CHAT: variants seen among roughly 807,000 people sequenced by gnomAD.
CHAT encodes the protein acetyl CoA:choline O-acetyltransferase.
A neutral mutation model predicts 76.9 loss-of-function variants in CHAT; 61 were observed. The ratio of observed to expected loss-of-function variants is 0.79; its 90% CI spans 0.65 to 0.98. The LOEUF is 0.98. CHAT is among the 50% of genes least tolerant of loss of function. CHAT has a pLI of 0.00. For missense variants in CHAT, 946 were observed against 986.9 expected (o/e 0.96, Z 0.56); for synonymous variants, 407 against 397.4 (o/e 1.02, Z -0.29).
intron 4 of CHAT, among the ~76,000 whole-genome samples, chr10:49,621,570 C>A (rs1047210621): frequency 6.6e-6 from 1 of 152,078 alleles, no homozygotes; most frequent in Non-Finnish European, 1.5e-5. Flanking sequence ...AGGAAAGGGA[C>A]CAAATTACTG....
At chr10:49,611,041 C>T, upstream of CHAT, 1 of 1,614,030 alleles carries the variant, frequency 6.2e-7, no homozygotes, top group Non-Finnish European at 8.5e-7. Context: ...CTCGGCGTCC[C>T]CGACAGCTGC....
chr10:49,616,047 C>T (rs1255894523), intron 1 of CHAT: 2 of 1,613,896 alleles, frequency 1.2e-6, no homozygotes, highest in Non-Finnish European at 8.5e-7. Context: ...CTACTCCACA[C>T]CAGAGATGTG....
At chr10:49,610,902 G>A (rs1339706757), upstream of CHAT, 1 of 1,612,562 alleles carries the variant, frequency 6.2e-7, no homozygotes, top group Non-Finnish European at 8.5e-7. Context: ...TGGTCATCGT[G>A]CCCATAGTGC....
chr10:49,652,139 T>G, intron 11 of CHAT, 133 bp downstream of exon 11: 1 of 1,233,368 alleles, frequency 8.1e-7, no homozygotes, highest in Non-Finnish European at 1.2e-6. Context: ...GGACTGAGGC[T>G]GCATGAAGGA....
chr10:49,655,151 A>G lies in CHAT; in HGVS notation c.1691A>G (p.Glu564Gly). Reference protein sequence around the residue: ...YESASIRRFQEGRVDNIRSAT... With the variant: ...YESASIRRFQGGRVDNIRSAT... ...AGCGCGTCCATCCGCCGATTCCAGG[A>G]GGGACGCGTGGACAACATCAGATCG... Residue 564 changes from glutamate (E) to glycine (G), a missense_variant, in exon 12 of 15, where the codon GAG (glutamate) becomes GGG (glycine). Glu to Gly is a moderately conservative substitution (Grantham distance 98). This residue lies in a region of CHAT where 349 missense variants were observed against 393.9 expected (regional missense o/e 0.89). Transcript: ENST00000337653. The G allele has an allele frequency of 6.2e-7, 1 of 1,613,970 alleles. No homozygotes were observed.
At chr10:49,640,231 G>C (rs146778443) in intron 7 of CHAT, among the ~76,000 whole-genome samples, 116 of 152,194 alleles carry the variant, frequency 7.6e-4, no homozygotes, top group African/African-American at 2.6e-3. Context: ...GAGTACAGTG[G>C]TGTGATGTCG....
chr10:49,611,865 C>A, upstream of CHAT: 2 of 1,607,300 alleles, frequency 1.2e-6, no homozygotes, highest in East Asian at 2.2e-5. Context: ...GCATCGTGCC[C>A]GCCTGCCGCT....
At chr10:49,646,791 C>T in intron 8 of CHAT, 117 bp downstream of exon 8, 1 of 1,196,136 alleles carries the variant, frequency 8.4e-7, no homozygotes, top group Non-Finnish European at 1.2e-6. Flanking sequence ...GGCAGGCGCA[C>T]TCACTGGTTT....
rs147815999 is a variant in CHAT at position 49,627,638 on chromosome 10, C to T, written c.964C>T (p.Arg322Cys). Reference sequence around the variant, plus strand: ...TGTCTTGGATGTTGTCATTAATTTCCGCCGTCTCAGTGAGGGGGATCTGTT... The same window carrying T: ...TGTCTTGGATGTTGTCATTAATTTCTGCCGTCTCAGTGAGGGGGATCTGTT... ...FFVLDVVINF[R>C]RLSEGDLFTQ... The change falls in exon 7 of 15, where the codon CGC (arginine) becomes TGC (cysteine). Residue 322 changes from arginine (R) to cysteine (C), a missense_variant. Physicochemically the swap from Arg to Cys is radical, Grantham distance 180. Transcript: ENST00000337653. 6.4e-5 allele frequency: 103 copies of T among 1,614,144 alleles called. No individual in the cohort carries two copies. The highest frequency in any genetic ancestry group is 3.3e-4 in the Middle Eastern group (2 of 6,062).
intron 8 of CHAT, chr10:49,647,072 T>G: frequency 1.7e-5 from 4 of 239,022 alleles, no homozygotes; most frequent in East Asian, 2.0e-4. Flanking sequence ...TAATGCATGC[T>G]GAAATAATAA....
rs752229820 is a variant in CHAT at position 49,648,560 on chromosome 10, C to A, written c.1335C>A (p.Phe445Leu). 2 of 1,614,004 alleles carry A rather than the reference C, an allele frequency of 1.2e-6. No individual in the cohort carries two copies. Among genetic ancestry groups the A allele is most frequent in the Admixed American group, 1.7e-5 (1 of 60,020 alleles). ...GTGTGGTGTGCGAACACTCCCCATT[C>A]GATGGCATCGTCCTGGTGCAGTGCA... ...TCGVVCEHSP[F>L]DGIVLVQCTE... The change falls in exon 9 of 15, where the codon TTC becomes TTA. Residue 445 changes from phenylalanine to leucine, a missense_variant. Transcript: ENST00000337653.
intron 7 of CHAT, among the ~76,000 whole-genome samples, chr10:49,639,390 T>C (rs894105260): frequency 6.6e-5 from 10 of 152,238 alleles, no homozygotes; most frequent in African/African-American, 2.2e-4. Flanking sequence ...TTTCTTGATA[T>C]AGAATTCTGG....
At chr10:49,663,397 T>C (rs1000277225) in intron 14 of CHAT, among the ~76,000 whole-genome samples, 1 of 152,208 alleles carries the variant, frequency 6.6e-6, no homozygotes, top group East Asian at 1.9e-4. Context: ...CGGGCTCTGA[T>C]GCCCAGCAGG....
chr10:49,621,905 C>T (rs1838724277), intron 4 of CHAT, among the ~76,000 whole-genome samples, 192 bp from the exon 5 acceptor site: 1 of 7,948 alleles, frequency 1.3e-4, no homozygotes, highest in Non-Finnish European at 2.4e-4. Flanking sequence ...GATTAGTGCA[C>T]ACGGGGGCGG....
In CHAT at chr10:49,614,465, G is replaced by A. The variant is rs745665140; in HGVS notation, c.276G>A (p.Pro92=). The A allele has an allele frequency of 1.3e-6, 2 of 1,546,812 alleles. No individual in the cohort carries two copies. Among genetic ancestry groups the A allele is most frequent in the Admixed American group, 2.0e-5 (1 of 51,068 alleles). ...CGAASAEAAE[P]RRAGPHLCIP... is the part of the protein sequence containing the mutation. The stretch of plus-strand genomic sequence containing the variant: ...CAGCGTCGGCCGAGGCAGCAGAGCC[G>A]AGGAGAGCAGGTGAGAAGAAGGGCT... The change falls in exon 1 of 15, where the codon CCG becomes CCA. Residue 92 remains proline, a synonymous_variant. Transcript: ENST00000337653.
At chr10:49,632,007 G>A (rs1245931101) in intron 7 of CHAT, among the ~76,000 whole-genome samples, 1 of 152,106 alleles carries the variant, frequency 6.6e-6, no homozygotes, top group Non-Finnish European at 1.5e-5. Flanking sequence ...AAACAAAGTG[G>A]GATGAGGGAG....
chr10:49,652,148 G>GCATC, intron 11 of CHAT, 142 bp downstream of exon 11: 1 of 1,161,778 alleles, frequency 8.6e-7, no homozygotes. Flanking sequence ...CTGCATGAAG[G>GCATC]AGGAGCAGAC....
intron 7 of CHAT, among the ~76,000 whole-genome samples, chr10:49,639,566 CACAT>C (rs200333925): frequency 5.9e-4 from 70 of 117,736 alleles, no homozygotes; most frequent in African/African-American, 2.0e-3. Flanking sequence ...CACACACACA[CACAT>C]ATGGGTGTGT....
At chr10:49,637,289 C>A (rs1398223824) in intron 7 of CHAT, 1 of 152,096 alleles carries the variant, frequency 6.6e-6, no homozygotes, top group African/African-American at 2.4e-5. Context: ...AATACTTTAG[C>A]TATATCTCAC....
Sources: gnomAD v4.1 joint callset for allele counts (sites outside exome capture counted in the v4.1 genomes callset) on GRCh38, gnomAD v4.1.1 for gene constraint, gnomAD v4.1.1 regional missense constraint, MANE v1.5 for transcripts, NCBI Gene and HGNC (gene_info 2026-07-23, HGNC 2026-07-21) for gene names.